Variants in NUP58 observed in about 807,000 individuals in gnomAD.
NUP58 encodes the protein nucleoporin 58.
In NUP58, 17 loss-of-function variants were observed where a neutral mutation model predicts 70.1. The observed-to-expected ratio is 0.24, with a 90% CI of 0.17 to 0.36. NUP58 has a LOEUF of 0.36. Among genes scored for constraint, NUP58 ranks in the 10% least tolerant of loss-of-function variants. The pLI, the probability that NUP58 is intolerant of heterozygous loss-of-function variation, is 1.00. For synonymous variants in NUP58, 275 were observed against 257.6 expected (o/e 1.07, Z -0.65); for missense variants, 644 against 701.5 (o/e 0.92, Z 0.93).
chr13:25,324,824 G>A (rs2031328784), intron 9 of NUP58, among the ~76,000 whole-genome samples, 165 bp from the exon 10 acceptor site: 1 of 152,080 alleles, frequency 6.6e-6, no homozygotes, highest in Admixed American at 6.5e-5. Context: ...AAAGGTTTTA[G>A]CAACTTGTGA....
At chr13:25,309,826 G>C (rs2137728216) in intron 3 of NUP58, 1 of 203,214 alleles carries the variant, frequency 4.9e-6, no homozygotes, top group South Asian at 6.1e-5. Context: ...AGAACATTCA[G>C]AAGCTCTTAA....
chr13:25,346,830 T>G (rs2032056658), downstream of NUP58, among the ~76,000 whole-genome samples: 1 of 152,108 alleles, frequency 6.6e-6, no homozygotes, highest in African/African-American at 2.4e-5. Context: ...GAATATGGTT[T>G]ATATTTTATG....
Position 25,321,009 on chromosome 13 carries a change from T to G in NUP58, c.867T>G (p.Ala289=). ...AMLKVQEDIK[A]LKQLLSLAAN... Reference sequence around the variant, plus strand: ...TTAAGGTACAAGAAGATATTAAAGCTCTGAAGCAGCTCCTGTCGTTGGCTG... The same window carrying G: ...TTAAGGTACAAGAAGATATTAAAGCGCTGAAGCAGCTCCTGTCGTTGGCTG... The change falls in exon 9 of 16, where the codon GCT becomes GCG. Residue 289 remains alanine, a synonymous_variant. Transcript: ENST00000381736. 1 of 1,600,106 alleles carries G rather than the reference T, an allele frequency of 6.2e-7. No individual in the cohort carries two copies. Among genetic ancestry groups the G allele is most frequent in the Non-Finnish European group, 8.5e-7 (1 of 1,175,048 alleles).
chr13:25,337,146 C>T lies in NUP58; in HGVS notation c.1534+112C>T, dbSNP rs2031815587. On this transcript the variant is annotated intron_variant, in intron 14 of 15. Coordinates refer to ENST00000381736, the MANE Select transcript of NUP58 (RefSeq NM_014089.4). ...TCCTGCTATTTTGGAAGTTAAGGTT[C>T]CATCTGGCAAAAATGATTCTCAAAC... The T allele has an allele frequency of 9.3e-6, 5 of 539,350 alleles. No individual in the cohort carries two copies. In the Admixed American group the frequency reaches 1.5e-4, roughly 17 times the overall value. 33.4% of individuals were successfully genotyped at this position (539,350 alleles called of 1,614,324 possible). A position where few individuals can be genotyped will look rare whatever the true frequency, so the allele number is the denominator to read the frequency against.
intron 6 of NUP58, among the ~76,000 whole-genome samples, chr13:25,317,085 T>C (rs573021539): frequency 7.6e-4 from 115 of 152,310 alleles, no homozygotes; most frequent in African/African-American, 2.5e-3. Flanking sequence ...ATCAGTTAGC[T>C]TGGGCCCTGC....
chr13:25,348,447 A>G (rs887852068), intron 3 of NUP58, among the ~76,000 whole-genome samples: 1 of 152,116 alleles, frequency 6.6e-6, no homozygotes, highest in African/African-American at 2.4e-5. Flanking sequence ...AAAATGTATT[A>G]TTATTATTTT....
At chr13:25,320,419 G>A in intron 7 of NUP58, 111 bp from the exon 8 acceptor site, 1 of 657,152 alleles carries the variant, frequency 1.5e-6, no homozygotes, top group Admixed American at 3.3e-5. Flanking sequence ...AGCCATACGT[G>A]CTTTTTTGCT....
At position 25,342,401 on chromosome 13, in the gene NUP58, G is replaced by A. The variant is rs891556930; in HGVS notation, c.*2267G>A. 6.6e-6 allele frequency: 1 copy of A among 152,536 alleles called. No individual in the cohort carries two copies. Among genetic ancestry groups the A allele is most frequent in the Non-Finnish European group, 1.5e-5 (1 of 67,996 alleles). The allele number at this position is 152,536 out of a possible 1,614,324, so 9.4% of individuals were successfully genotyped here. ...TATTATGGAAACAATAAAATTTATT[G>A]TGTCAGTTGCTTTGATTCTTTATAG... On this transcript the variant is annotated 3_prime_UTR_variant, in exon 16 of 16. Coordinates refer to ENST00000381736, the MANE Select transcript of NUP58 (RefSeq NM_014089.4).
rs2137826098 is a variant in NUP58, at chr13:25,335,298, A to G, written c.1436-1638A>G. 2 of 985,356 alleles carry G rather than the reference A, an allele frequency of 2.0e-6. 1 individual carries two copies. Among genetic ancestry groups the G allele is most frequent in the South Asian group, 9.4e-5 (2 of 21,280 alleles). The allele number at this position is 985,356 out of a possible 1,614,324, so 61.0% of individuals were successfully genotyped here. ...GTTGCTCTTAACAACAGACCCACAC[A>G]CAACAAAAAGCATGCTATTTGAGTA... On this transcript the variant is annotated intron_variant, in intron 13 of 15. Transcript: ENST00000381736.
intron 6 of NUP58, 74 bp from the exon 7 acceptor site, chr13:25,319,252 A>C (rs1268237308): frequency 1.6e-6 from 2 of 1,237,746 alleles, no homozygotes; most frequent in Non-Finnish European, 2.4e-6. Context: ...AATTTGTGTT[A>C]ATTTAAAGCT....
chr13:25,327,874 AT>A (rs1476737960), intron 12 of NUP58, among the ~76,000 whole-genome samples: 1 of 152,020 alleles, frequency 6.6e-6, no homozygotes, highest in Non-Finnish European at 1.5e-5. Flanking sequence ...GGTGGTTTCT[AT>A]TTCTTTACTA....
chr13:25,306,297 C>T (rs566436807), intron 1 of NUP58, among the ~76,000 whole-genome samples: 2 of 151,246 alleles, frequency 1.3e-5, no homozygotes, highest in African/African-American at 2.4e-5. Context: ...CTGAGCTACT[C>T]CGGAGGCTGA....
In NUP58 at chr13:25,327,027, C is replaced by G. The variant is rs12430715; in HGVS notation, c.1143C>G (p.Thr381=). 4,606 of 1,566,158 alleles carry G rather than the reference C, an allele frequency of 2.9e-3. 209 individuals are homozygous for G. The Admixed American group carries it at 0.073, about 25-fold the overall frequency. The part of the protein sequence containing the change: ...LATQANNSHI[T]PQDLSMAMQK... ...CTCAAGCAAATAATTCACATATAAC[C>G]CCTCAAGGTAACATGCTTACTGTGG... is the stretch of plus-strand genomic sequence containing the variant. The change falls in exon 11 of 16, where the codon ACC becomes ACG. Residue 381 remains threonine, a synonymous_variant. Transcript: ENST00000381736.
At position 25,339,951 on chromosome 13, in the gene NUP58, T is replaced by C; in HGVS notation, c.1631-14T>C. The C allele has an allele frequency of 2.6e-6, 4 of 1,550,416 alleles. No individual in the cohort carries two copies. The highest frequency in any genetic ancestry group is 3.5e-6 in the Non-Finnish European group (4 of 1,153,276). Reference sequence around the variant, plus strand: ...TCAACTTCTGATATGAATATTTTTTTCCCTAAACATAAGGCTTTGGCAGCT... The same window carrying C: ...TCAACTTCTGATATGAATATTTTTTCCCCTAAACATAAGGCTTTGGCAGCT... On this transcript the variant is annotated splice_polypyrimidine_tract_variant and intron_variant, in intron 15 of 15. Coordinates refer to ENST00000381736, the MANE Select transcript of NUP58 (RefSeq NM_014089.4).
In NUP58 at chr13:25,340,170, A is replaced by C. The variant is rs781767453; in HGVS notation, c.*36A>C. The C allele has an allele frequency of 2.6e-6, 4 of 1,541,338 alleles. No homozygotes were observed. Among genetic ancestry groups the C allele is most frequent in the Non-Finnish European group, 3.5e-6 (4 of 1,144,186 alleles). ...ATGTGTTGAGAGAATCCATAGCAGC[A>C]CCGTTCATTCTATGAGTCTATTTTT... On this transcript the variant is annotated 3_prime_UTR_variant, in exon 16 of 16. Coordinates refer to ENST00000381736, the MANE Select transcript of NUP58 (RefSeq NM_014089.4).
At chr13:25,317,067 G>T (rs796332660) in intron 6 of NUP58, among the ~76,000 whole-genome samples, 9 of 151,960 alleles carry the variant, frequency 5.9e-5, no homozygotes, top group African/African-American at 2.2e-4. Flanking sequence ...TGTGTTTCTA[G>T]TAGCTGTATC....
chr13:25,305,146 T>TTTGTTTG (rs2030273885), intron 1 of NUP58, among the ~76,000 whole-genome samples: 1 of 41,756 alleles, frequency 2.4e-5, no homozygotes, highest in African/African-American at 5.5e-5. Flanking sequence ...TTTTTTTTTT[T>TTTGTTTG]TTTTTTTTTT....
chr13:25,330,634 G>A (rs2031568163), intron 12 of NUP58, among the ~76,000 whole-genome samples: 1 of 152,178 alleles, frequency 6.6e-6, no homozygotes. Flanking sequence ...TGCTGTTGAT[G>A]GCCTTAATCA....
At chr13:25,315,593 T>C (rs916754581) in intron 6 of NUP58, 126 bp downstream of exon 6, 11 of 666,206 alleles carry the variant, frequency 1.7e-5, no homozygotes, top group Non-Finnish European at 3.0e-5. Context: ...GCTATCTTAA[T>C]GTGTATACGA....
Sources: gnomAD v4.1 joint callset for allele counts (sites outside exome capture counted in the v4.1 genomes callset) on GRCh38, gnomAD v4.1.1 for gene constraint, MANE v1.5 for transcripts, NCBI Gene and HGNC (gene_info 2026-07-23, HGNC 2026-07-21) for gene names.